Variants in ATP5MC2 observed in about 807,000 individuals in gnomAD.
ATP5MC2 encodes the protein ATP synthase F(0) complex subunit C2, mitochondrial.
In ATP5MC2, 11 loss-of-function variants were observed where a neutral mutation model predicts 13.5. That is an observed-to-expected ratio of 0.81 (90% CI 0.51 to 1.35). ATP5MC2 has a LOEUF of 1.35. Ranked by LOEUF, ATP5MC2 falls within the 40% of genes most tolerant of loss-of-function variation. ATP5MC2 has a pLI of 0.00. For synonymous variants in ATP5MC2, 64 were observed against 69.7 expected (o/e 0.92, Z 0.41); for missense variants, 132 against 175.0 (o/e 0.75, Z 1.39).
chr12:53,670,074 T>C (rs779259027), intron 2 of ATP5MC2, 126 bp from the exon 3 acceptor site: 27 of 807,710 alleles, frequency 3.3e-5, no homozygotes, highest in Admixed American at 2.8e-4. Context: ...CATCTTCACA[T>C]GTACGTTAGA....
upstream of ATP5MC2, among the ~76,000 whole-genome samples, chr12:53,680,404 A>G (rs1346219519): frequency 1.3e-5 from 2 of 152,270 alleles, no homozygotes; most frequent in African/African-American, 4.8e-5. Flanking sequence ...TCAGTAAGAA[A>G]GACGTGTACA....
At chr12:53,669,408 C>T (rs1415679942) in intron 3 of ATP5MC2, 67 bp from the exon 4 acceptor site, 2 of 1,491,620 alleles carry the variant, frequency 1.3e-6, no homozygotes, top group East Asian at 2.4e-5. Flanking sequence ...ATTTAAAACC[C>T]TTTAAGCTGC....
intron 4 of ATP5MC2, among the ~76,000 whole-genome samples, chr12:53,668,309 T>C (rs1467463191): frequency 6.6e-6 from 1 of 151,106 alleles, no homozygotes; most frequent in Non-Finnish European, 1.5e-5. Context: ...TTTTCTTTTT[T>C]TTTTTTCCCC....
At chr12:53,680,193 C>T (rs937793232), upstream of ATP5MC2, among the ~76,000 whole-genome samples, 2 of 152,006 alleles carry the variant, frequency 1.3e-5, no homozygotes, top group African/African-American at 4.8e-5. Flanking sequence ...ACTATGTTGC[C>T]CAGGCTGGCC....
intron 4 of ATP5MC2, among the ~76,000 whole-genome samples, chr12:53,667,985 AT>A (rs1565625331): frequency 0.012 from 654 of 56,358 alleles, 15 homozygotes; most frequent in African/African-American, 0.057. Flanking sequence ...ATATATATAT[AT>A]ATATATATAA....
At chr12:53,671,172 T>G (rs2138033000) in intron 2 of ATP5MC2, among the ~76,000 whole-genome samples, 1 of 152,334 alleles carries the variant, frequency 6.6e-6, no homozygotes, top group East Asian at 1.9e-4. Flanking sequence ...CACATGGTGA[T>G]TCATAGCCAG....
chr12:53,665,481 G>A (rs916588381), intron 4 of ATP5MC2, 53 bp from the exon 5 acceptor site: 1 of 1,394,078 alleles, frequency 7.2e-7, no homozygotes, highest in Non-Finnish European at 1.0e-6. Flanking sequence ...CAAAGAAAAG[G>A]ATAAATATCT....
chr12:53,666,943 CAAA>C lies in ATP5MC2; in HGVS notation c.312-1518_312-1516del, dbSNP rs58565014. 4.6e-3 allele frequency among the ~76,000 whole-genome samples: 475 copies of C among 103,398 alleles called. 4 individuals carry two copies. The highest frequency in any genetic ancestry group is 0.015 in the African/African-American group (414 of 28,228). The allele number at this position is 103,398 out of a possible 152,430, so 67.8% of individuals were successfully genotyped here. On this transcript the variant is annotated intron_variant, in intron 4 of 4. Coordinates refer to ENST00000394349, the MANE Select transcript of ATP5MC2 (RefSeq NM_005176.7). Reference sequence around the variant, plus strand: ...TCTGGGAGACAGCGAGACTCAGTCTCAAAAAAAAAAAAAAAAAAGAAGTTACAA... The same window carrying C: ...TCTGGGAGACAGCGAGACTCAGTCTCAAAAAAAAAAAAAAAGAAGTTACAA...
chr12:53,676,319 A>C (rs563132445), upstream of ATP5MC2: 5 of 1,410,606 alleles, frequency 3.5e-6, no homozygotes, highest in East Asian at 9.4e-5. Flanking sequence ...GCCGATCCGT[A>C]ACGTGGACTG....
intron 4 of ATP5MC2, among the ~76,000 whole-genome samples, chr12:53,666,759 C>CA (rs1317546569): frequency 7.4e-6 from 1 of 135,272 alleles, no homozygotes; most frequent in African/African-American, 2.7e-5. Context: ...GACTCTGTCT[C>CA]AAAAAAATAA....
upstream of ATP5MC2, chr12:53,676,779 G>C (rs1373425640): frequency 6.5e-6 from 1 of 153,258 alleles, no homozygotes; most frequent in Non-Finnish European, 1.5e-5. Context: ...CTCCAGGCTT[G>C]CCCGAGCCTC....
At chr12:53,667,954 CACATATATAT>C (rs1298257339) in intron 4 of ATP5MC2, among the ~76,000 whole-genome samples, 4 of 26,968 alleles carry the variant, frequency 1.5e-4, no homozygotes, top group East Asian at 3.2e-3. Context: ...TACATACACA[CACATATATAT>C]ATATATATAT....
chr12:53,671,816 G>A (rs1945100382), intron 2 of ATP5MC2, among the ~76,000 whole-genome samples: 1 of 152,036 alleles, frequency 6.6e-6, no homozygotes, highest in Non-Finnish European at 1.5e-5. Flanking sequence ...CGGATCACCT[G>A]AGGTCAGGAG....
At chr12:53,669,056 C>A (rs878941228) in intron 4 of ATP5MC2, 92 bp downstream of exon 4, 4 of 1,414,352 alleles carry the variant, frequency 2.8e-6, no homozygotes. Flanking sequence ...CTAGTGGCTA[C>A]AGTGTGGGAT....
chr12:53,669,366 G>A, intron 3 of ATP5MC2, 25 bp from the exon 4 acceptor site: 1 of 1,598,526 alleles, frequency 6.3e-7, no homozygotes. Flanking sequence ...CAGGTAGAAG[G>A]TAAAGTTTTT....
chr12:53,674,648 AT>A (rs1049238648), intron 1 of ATP5MC2, among the ~76,000 whole-genome samples: 1 of 152,150 alleles, frequency 6.6e-6, no homozygotes, highest in Non-Finnish European at 1.5e-5. Context: ...CTCTTAATTT[AT>A]TTTTTGCCCA....
intron 1 of ATP5MC2, among the ~76,000 whole-genome samples, chr12:53,675,674 A>G (rs1187977531): frequency 2.0e-5 from 3 of 152,230 alleles, no homozygotes; most frequent in African/African-American, 7.2e-5. Flanking sequence ...AGAAGGCACA[A>G]GTCAGGATGA....
At chr12:53,680,469 G>A (rs919493142), upstream of ATP5MC2, among the ~76,000 whole-genome samples, 2 of 152,194 alleles carry the variant, frequency 1.3e-5, no homozygotes, top group African/African-American at 4.8e-5. Flanking sequence ...AATAGGAGTT[G>A]TGGAAGCAGT....
intron 4 of ATP5MC2, among the ~76,000 whole-genome samples, chr12:53,667,956 C>CACACACATATATATAT (rs1390194186): frequency 1.5e-5 from 1 of 67,364 alleles, no homozygotes; most frequent in African/African-American, 4.7e-5. Flanking sequence ...CATACACACA[C>CACACACATATATATAT]ATATATATAT....
Sources: allele counts gnomAD v4.1 joint callset (sites outside exome capture counted in the v4.1 genomes callset), GRCh38; gene constraint gnomAD v4.1.1; transcripts MANE v1.5; gene names NCBI Gene and HGNC (gene_info 2026-07-23, HGNC 2026-07-21).